The following NKAP variants were observed in gnomAD, a reference collection of about 807,000 sequenced individuals.
NKAP encodes the protein NF-kappa-B-activating protein.
Under a neutral mutation model 35.6 loss-of-function variants are expected in NKAP, and 4 were observed. The observed-to-expected ratio is 0.11, with a 90% CI of 0.06 to 0.26. The LOEUF is 0.26. Ranked by LOEUF, NKAP falls within the 10% of genes least tolerant of loss-of-function variation. NKAP has a pLI of 1.00. For missense variants in NKAP, 238 were observed against 321.9 expected (o/e 0.74, Z 1.99); for synonymous variants, 106 against 119.2 (o/e 0.89, Z 0.72).
At chrX:119,926,101 C>A (rs1226231619) in intron 8 of NKAP, among the ~76,000 whole-genome samples, 1 of 101,341 alleles carries the variant, frequency 9.9e-6, no homozygotes, top group South Asian at 4.8e-4. Flanking sequence ...GGACTACAGG[C>A]GCCCGCCACC....
Position 119,923,112 on chromosome X carries a change from G to A in NKAP, c.*2108C>T, listed in dbSNP as rs1233779988. The stretch of plus-strand genomic sequence containing the variant: ...TGTAATCCCAGCTACTTGGGAGGCT[G>A]AGGTGGGAGGATCACTTGAACCCAG... On this transcript the variant is annotated 3_prime_UTR_variant, in exon 9 of 9. Coordinates refer to ENST00000371410, the MANE Select transcript of NKAP (RefSeq NM_024528.4). The A allele has an allele frequency of 9.0e-6, 1 of 110,694 alleles. No individual in the cohort carries two copies. The highest frequency in any genetic ancestry group is 3.3e-5 in the African/African-American group (1 of 30,410). 9.1% of individuals were successfully genotyped at this position (110,694 alleles called of 1,213,427 possible). A position where few individuals can be genotyped will look rare whatever the true frequency, so the allele number is the denominator to read the frequency against.
Position 119,943,730 on chromosome X carries a change from A to G in NKAP, c.-125T>C. 1 of 839,695 alleles carries G rather than the reference A, an allele frequency of 1.2e-6. No individual in the cohort carries two copies. Among genetic ancestry groups the G allele is most frequent in the South Asian group, 2.7e-5 (1 of 36,659 alleles). The allele number at this position is 839,695 out of a possible 1,213,427, so 69.2% of individuals were successfully genotyped here. ...CAGCCCAAATCTGAGGAAACCTTGG[A>G]CACAGTTCTGGGTACTTCTGCAAAA... On this transcript the variant is annotated 5_prime_UTR_variant, in exon 1 of 9. Coordinates refer to ENST00000371410, the MANE Select transcript of NKAP (RefSeq NM_024528.4).
intron 2 of NKAP, chrX:119,937,697 TC>T (rs1218700462): frequency 1.8e-5 from 2 of 110,374 alleles, no homozygotes; most frequent in Non-Finnish European, 3.8e-5. Flanking sequence ...TCAAGTGTTT[TC>T]TTTTTTTTTT....
intron 7 of NKAP, among the ~76,000 whole-genome samples, chrX:119,931,527 G>A (rs1354822094): frequency 9.0e-6 from 1 of 111,063 alleles, no homozygotes; most frequent in Non-Finnish European, 1.9e-5. Context: ...AAAAAATTCT[G>A]CTGGTAAAAA....
intron 1 of NKAP, among the ~76,000 whole-genome samples, chrX:119,939,600 T>G: frequency 9.0e-6 from 1 of 111,356 alleles, no homozygotes; most frequent in Non-Finnish European, 1.9e-5. Flanking sequence ...TATTTTTTTG[T>G]AGAGATGAGG....
chrX:119,922,074 C>T lies in NKAP; in HGVS notation c.*3146G>A, dbSNP rs1485549558. 1 of 111,252 alleles carries T rather than the reference C, an allele frequency of 9.0e-6. No homozygotes were observed. The highest frequency in any genetic ancestry group is 3.3e-5 in the African/African-American group (1 of 30,687). The allele number at this position is 111,252 out of a possible 1,213,427, so 9.2% of individuals were successfully genotyped here. A position where few individuals can be genotyped will look rare whatever the true frequency, so the allele number is the denominator to read the frequency against. ...AGCCAGGATGGTCTTGATCTCCTGA[C>T]CTCATGGTCCGCCCACCTCGGCCTC... On this transcript the variant is annotated 3_prime_UTR_variant, in exon 9 of 9. Coordinates refer to ENST00000371410, the MANE Select transcript of NKAP (RefSeq NM_024528.4).
chrX:119,934,381 T>C (rs2056755631), intron 5 of NKAP, 113 bp downstream of exon 5: 1 of 429,313 alleles, frequency 2.3e-6, no homozygotes. Flanking sequence ...TGTAGTTAGC[T>C]GACATCGAAC....
chrX:119,934,154 C>T (rs2056754561), intron 5 of NKAP, among the ~76,000 whole-genome samples: 1 of 109,162 alleles, frequency 9.2e-6, no homozygotes, highest in Non-Finnish European at 1.9e-5. Context: ...ATTTTCTGGC[C>T]GGGTGCAGTG....
chrX:119,935,524 G>A (rs1216197769), intron 4 of NKAP, among the ~76,000 whole-genome samples: 2 of 111,580 alleles, frequency 1.8e-5, no homozygotes, highest in Non-Finnish European at 3.8e-5. Flanking sequence ...GGTGTATAGG[G>A]TATTATTACT....
In NKAP at chrX:119,936,355, T is replaced by C; in HGVS notation, c.615A>G (p.Lys205=). 1 of 1,193,233 alleles carries C rather than the reference T, an allele frequency of 8.4e-7. No individual in the cohort carries two copies. The highest frequency in any genetic ancestry group is 1.1e-6 in the Non-Finnish European group (1 of 888,162). ...CGCTATCTTCAGAATACTTCTTATG[T>C]TTTCTTTTCGATGATTTTTTCTTTC... ...KRRKKKSSKR[K]HKKYSEDSDS... is the part of the protein sequence containing the mutation. Residue 205 remains lysine, a synonymous_variant, in exon 4 of 9, where the codon AAA becomes AAG. Coordinates refer to ENST00000371410, the MANE Select transcript of NKAP (RefSeq NM_024528.4).
Position 119,921,636 on chromosome X carries a change from T to A in NKAP, c.*3584A>T, listed in dbSNP as rs1347246244. On this transcript the variant is annotated 3_prime_UTR_variant, in exon 9 of 9. Coordinates refer to ENST00000371410, the MANE Select transcript of NKAP (RefSeq NM_024528.4). ...CAATTTGAAGCAGTAACAACACTCA[T>A]AAGCTGAAAATAAAATACTTTTAGC... The A allele has an allele frequency of 9.2e-6, 1 of 109,289 alleles. No homozygotes were observed. Among genetic ancestry groups the A allele is most frequent in the Non-Finnish European group, 1.9e-5 (1 of 52,725 alleles). The allele number at this position is 109,289 out of a possible 1,213,427, so 9.0% of individuals were successfully genotyped here.
intron 8 of NKAP, 34 bp downstream of exon 8, chrX:119,929,982 A>C: frequency 8.8e-7 from 1 of 1,136,381 alleles, no homozygotes; most frequent in Middle Eastern, 2.5e-4. Context: ...AAAAGATCTA[A>C]TCATGGAAAC....
chrX:119,934,597 T>C, intron 4 of NKAP, 40 bp from the exon 5 acceptor site: 1 of 1,011,556 alleles, frequency 9.9e-7, no homozygotes. Context: ...AAAAAATTTT[T>C]TAACTCTAAA....
At position 119,943,672 on chromosome X, in the gene NKAP, T is replaced by C; in HGVS notation, c.-67A>G. 3 of 1,096,128 alleles carry C rather than the reference T, an allele frequency of 2.7e-6. No homozygotes were observed. Among genetic ancestry groups the C allele is most frequent in the Admixed American group, 3.1e-5 (1 of 31,902 alleles). 90.3% of individuals were successfully genotyped at this position (1,096,128 alleles called of 1,213,427 possible). On this transcript the variant is annotated 5_prime_UTR_variant, in exon 1 of 9. Transcript: ENST00000371410. ...TCTCGCGAGCCTAGGAAGATGTCTG[T>C]TGCCTTGGTTCCCGGGACCTGCCGC...
At chrX:119,941,898 G>C (rs914640461) in intron 1 of NKAP, among the ~76,000 whole-genome samples, 3 of 111,889 alleles carry the variant, frequency 2.7e-5, no homozygotes, top group Admixed American at 9.5e-5. Context: ...TAAAGTGTTG[G>C]GATTACAGGC....
chrX:119,930,674 CG>C (rs1386347833), intron 7 of NKAP, among the ~76,000 whole-genome samples: 18 of 109,759 alleles, frequency 1.6e-4, no homozygotes, highest in Non-Finnish European at 1.3e-4. Context: ...CAAAATTAGC[CG>C]GGCATGGTGG....
intron 4 of NKAP, among the ~76,000 whole-genome samples, chrX:119,935,351 GA>G: frequency 9.0e-6 from 1 of 111,695 alleles, no homozygotes; most frequent in South Asian, 3.7e-4. Context: ...AGTAACAAGA[GA>G]AAGAACATGG....
Position 119,922,340 on chromosome X carries a change from A to C in NKAP, c.*2880T>G, listed in dbSNP as rs1330612952. The C allele has an allele frequency of 1.8e-5, 2 of 112,261 alleles. No homozygotes were observed. Among genetic ancestry groups the C allele is most frequent in the East Asian group, 2.8e-4 (1 of 3,619 alleles). The allele number at this position is 112,261 out of a possible 1,213,427, so 9.3% of individuals were successfully genotyped here. On this transcript the variant is annotated 3_prime_UTR_variant, in exon 9 of 9. Transcript: ENST00000371410. ...ATTCAGGGGTCATTAATGCTGCTAC[A>C]TGCTGACTCTTATTTTCAGTAGTTG... is the stretch of plus-strand genomic sequence containing the variant.
chrX:119,928,446 T>C (rs73607084), intron 8 of NKAP, among the ~76,000 whole-genome samples: 12,666 of 112,188 alleles, frequency 0.11, 883 homozygotes, highest in African/African-American at 0.26. Flanking sequence ...TGGATTTTTG[T>C]GTACTAACCT....
Sources: allele counts gnomAD v4.1 joint callset (sites outside exome capture counted in the v4.1 genomes callset), GRCh38; gene constraint gnomAD v4.1.1; transcripts MANE v1.5; gene names NCBI Gene and HGNC (gene_info 2026-07-23, HGNC 2026-07-21).